Variants in GALNT13 observed in about 807,000 individuals in gnomAD.
GALNT13 encodes the protein polypeptide N-acetylgalactosaminyltransferase 13, also known as UDP-GalNAc:polypeptide N-acetylgalactosaminyltransferase 13.
Under a neutral mutation model 64.2 loss-of-function variants are expected in GALNT13, and 28 were observed. The ratio of observed to expected loss-of-function variants is 0.44; its 90% CI spans 0.32 to 0.60. The LOEUF is 0.60. GALNT13 is among the 20% of genes least tolerant of loss of function. The probability of loss-of-function intolerance (pLI) is 0.05; values close to 1 mark genes in which losing one functional copy is unlikely to be tolerated. For synonymous variants in GALNT13, 214 were observed against 224.6 expected, an observed-to-expected ratio of 0.95 and a Z score of 0.42; for missense variants, 577 against 669.8, an observed-to-expected ratio of 0.86 and a Z score of 1.53.
At chr2:153,295,229 G>C in the GALNT13 span, among the ~76,000 whole-genome samples, 125,263 of 152,060 alleles carry the variant, frequency 0.82, 52,876 homozygotes, top group African/African-American at 0.91. Flanking sequence ...GATGATTACA[G>C]AGGGTTGCCA....
At chr2:154,298,556 T>C (rs1250720254) in intron 8 of GALNT13, among the ~76,000 whole-genome samples, 2 of 104,654 alleles carry the variant, frequency 1.9e-5, no homozygotes, top group Admixed American at 2.4e-4. Context: ...ATAAATTGTA[T>C]ATATAATTTA....
chr2:154,049,129 G>A (rs973520487), intron 3 of GALNT13, among the ~76,000 whole-genome samples: 3 of 151,800 alleles, frequency 2.0e-5, no homozygotes, highest in Admixed American at 6.6e-5. Flanking sequence ...AATGATTAAT[G>A]CCTGTCAGTT....
chr2:154,031,561 A>G (rs1283442066), intron 3 of GALNT13, among the ~76,000 whole-genome samples: 2 of 152,008 alleles, frequency 1.3e-5, no homozygotes, highest in African/African-American at 2.4e-5. Context: ...AAGAATAGAG[A>G]AAGACAGATT....
chr2:154,260,530 T>G (rs1690639284), intron 8 of GALNT13, among the ~76,000 whole-genome samples: 1 of 152,140 alleles, frequency 6.6e-6, no homozygotes, highest in African/African-American at 2.4e-5. Flanking sequence ...TTAATGGAAT[T>G]TTATTATTTT....
chr2:154,184,832 C>G (rs1452100393), intron 4 of GALNT13, among the ~76,000 whole-genome samples: 6 of 151,990 alleles, frequency 3.9e-5, no homozygotes, highest in Non-Finnish European at 7.4e-5. Context: ...GTTATTGCAG[C>G]TCTAGTTATT....
chr2:153,944,777 T>C (rs1691591305), intron 3 of GALNT13, 138 bp downstream of exon 3: 1 of 643,240 alleles, frequency 1.6e-6, no homozygotes. Flanking sequence ...TAATGCATGT[T>C]TAACCATGGG....
chr2:153,392,897 A>G, the GALNT13 span, among the ~76,000 whole-genome samples: 2 of 152,024 alleles, frequency 1.3e-5, no homozygotes, highest in African/African-American at 4.8e-5. Context: ...TAGTGCCCTT[A>G]TAAAAGAGGT....
At chr2:154,033,217 T>C (rs1698452949) in intron 3 of GALNT13, among the ~76,000 whole-genome samples, 1 of 152,006 alleles carries the variant, frequency 6.6e-6, no homozygotes, top group Non-Finnish European at 1.5e-5. Flanking sequence ...TAAAGCAACA[T>C]GTAAAACTTT....
the GALNT13 span, among the ~76,000 whole-genome samples, chr2:153,741,135 T>A: frequency 6.6e-6 from 1 of 152,292 alleles, no homozygotes; most frequent in East Asian, 1.9e-4. Context: ...CTTTCTTTGA[T>A]TTTTAAATTT....
chr2:153,702,841 T>C, the GALNT13 span, among the ~76,000 whole-genome samples: 1 of 152,126 alleles, frequency 6.6e-6, no homozygotes, highest in Non-Finnish European at 1.5e-5. Context: ...TATTTTGAGG[T>C]AATTAAAAAT....
At chr2:153,467,585 C>T in the GALNT13 span, among the ~76,000 whole-genome samples, 4 of 152,016 alleles carry the variant, frequency 2.6e-5, no homozygotes, top group African/African-American at 9.7e-5. Context: ...AATTACTAGC[C>T]CCTCATTCCC....
In GALNT13 at chr2:153,878,135, A is replaced by G. The variant is rs556120028; in HGVS notation, c.-177+5832A>G. Among the ~76,000 whole-genome samples, 309 of 152,330 alleles carry G rather than the reference A, an allele frequency of 2.0e-3. 3 individuals carry two copies. The highest frequency in any genetic ancestry group is 6.8e-3 in the Middle Eastern group (2 of 294). On this transcript the variant is annotated intron_variant, in intron 1 of 12. Coordinates refer to ENST00000392825, the MANE Select transcript of GALNT13 (RefSeq NM_052917.4). ...TTCTTTTGTATAGTAAGAATGATTG[A>G]AAAAGTCTACTTCTATCATCTCAAT...
chr2:154,429,861 A>C (rs953714220), intron 11 of GALNT13, among the ~76,000 whole-genome samples: 7 of 152,200 alleles, frequency 4.6e-5, no homozygotes, highest in African/African-American at 1.7e-4. Flanking sequence ...TAGGGCCCTT[A>C]ACAATTATGC....
intron 4 of GALNT13, among the ~76,000 whole-genome samples, chr2:154,163,595 C>T (rs958936468): frequency 4.6e-5 from 7 of 152,064 alleles, no homozygotes; most frequent in African/African-American, 1.7e-4. Flanking sequence ...TTCTATTTGG[C>T]CTACAGTAGC....
At chr2:153,312,044 CA>C in the GALNT13 span, among the ~76,000 whole-genome samples, 1 of 152,090 alleles carries the variant, frequency 6.6e-6, no homozygotes, top group Non-Finnish European at 1.5e-5. Context: ...TACTAAAGAA[CA>C]AAAGTAAATA....
chr2:154,220,517 T>G (rs1688268426), intron 4 of GALNT13, among the ~76,000 whole-genome samples: 1 of 152,086 alleles, frequency 6.6e-6, no homozygotes, highest in South Asian at 2.1e-4. Context: ...CATTTTCACT[T>G]CAAATCTTAA....
At chr2:153,577,042 T>C in the GALNT13 span, among the ~76,000 whole-genome samples, 2 of 152,294 alleles carry the variant, frequency 1.3e-5, no homozygotes, top group Admixed American at 1.3e-4. Context: ...TATGTGTGTA[T>C]GTGTATGGCA....
intron 8 of GALNT13, among the ~76,000 whole-genome samples, chr2:154,292,542 T>C (rs1343203239): frequency 6.6e-6 from 1 of 152,216 alleles, no homozygotes; most frequent in Non-Finnish European, 1.5e-5. Flanking sequence ...TTCTTCTAGT[T>C]TCATTTTATT....
the GALNT13 span, among the ~76,000 whole-genome samples, chr2:153,132,995 T>G: frequency 1.3e-5 from 2 of 152,140 alleles, no homozygotes; most frequent in African/African-American, 4.8e-5. Flanking sequence ...AGTGCTGGGA[T>G]TACGGGCATG....
Sources: gnomAD v4.1 joint callset for allele counts (sites outside exome capture counted in the v4.1 genomes callset) on GRCh38, gnomAD v4.1.1 for gene constraint, MANE v1.5 for transcripts, NCBI Gene and HGNC (gene_info 2026-07-23, HGNC 2026-07-21) for gene names.